Variants in LRRN4CL observed in about 807,000 individuals in gnomAD.
LRRN4CL encodes the protein LRRN4 C-terminal like, also known as LRRN4 C-terminal-like protein.
For synonymous variants in LRRN4CL, 156 were observed against 154.1 expected (o/e 1.01, Z -0.09); for missense variants, 348 against 336.4 (o/e 1.03, Z -0.27).
chr11:62,687,846 G>A lies in LRRN4CL; in HGVS notation c.663C>T (p.Arg221=). ...CAALVWHFCL[R]DRWGCPRRAA... ...CTCGGCGCGGGCAGCCCCAGCGATC[G>A]CGCAGGCAGAAGTGCCACACCAGGG... The change falls in exon 2 of 2, where the codon CGC becomes CGT. Residue 221 remains arginine, a synonymous_variant. Coordinates refer to ENST00000317449, the MANE Select transcript of LRRN4CL (RefSeq NM_203422.4). 7.1e-7 allele frequency: 1 copy of A among 1,408,498 alleles called. No homozygotes were observed. Among genetic ancestry groups the A allele is most frequent in the Non-Finnish European group, 9.2e-7 (1 of 1,091,202 alleles). 87.3% of individuals were successfully genotyped at this position (1,408,498 alleles called of 1,614,324 possible). A position where few individuals can be genotyped will look rare whatever the true frequency, so the allele number is the denominator to read the frequency against.
In LRRN4CL at chr11:62,688,133, G is replaced by T. The variant is rs1355879770; in HGVS notation, c.376C>A (p.Gln126Lys). The change falls in exon 2 of 2, where the codon CAG (glutamine) becomes AAG (lysine). Residue 126 changes from glutamine (Q) to lysine (K), a missense_variant. Coordinates refer to ENST00000317449, the MANE Select transcript of LRRN4CL (RefSeq NM_203422.4). ...LLLWDGSEAA[Q>K]KGPPLNATVR... Reference sequence around the variant, plus strand: ...GTAGCGTTCAGCGGGGGCCCCTTCTGCGCAGCCTCGCTGCCGTCCCAAAGC... The same window carrying T: ...GTAGCGTTCAGCGGGGGCCCCTTCTTCGCAGCCTCGCTGCCGTCCCAAAGC... The T allele has an allele frequency of 2.5e-6, 4 of 1,612,376 alleles. No homozygotes were observed. Among genetic ancestry groups the T allele is most frequent in the Non-Finnish European group, 3.4e-6 (4 of 1,179,780 alleles).
rs773185299 is a variant in LRRN4CL at position 62,688,082 on chromosome 11, G to GC, written c.426dup (p.Leu143AlafsTer15). ...ACGACATAAATGCCCCCTGGCTTCA[G>GC]CCCCTTCAGTTCGGCTCTGCGGACC... On this transcript the variant is annotated frameshift_variant, in exon 2 of 2. Coordinates refer to ENST00000317449, the MANE Select transcript of LRRN4CL (RefSeq NM_203422.4). LOFTEE classifies it low-confidence loss of function (END_TRUNC). 6 of 1,612,608 alleles carry GC rather than the reference G, an allele frequency of 3.7e-6. No individual in the cohort carries two copies. The African/African-American group carries it at 6.7e-5, about 18-fold the overall frequency.
In LRRN4CL at chr11:62,687,655, G is replaced by A. The variant is rs886130757; in HGVS notation, c.*137C>T. ...CAGTCCTGAGAACCATGACTCCGCCGTGGCCCTGGAGCCTGGGGCTGGCTC... is the reference window on the plus strand; with the variant it reads ...CAGTCCTGAGAACCATGACTCCGCCATGGCCCTGGAGCCTGGGGCTGGCTC... On this transcript the variant is annotated 3_prime_UTR_variant, in exon 2 of 2. Transcript: ENST00000317449. The A allele has an allele frequency of 7.1e-5, 46 of 651,336 alleles. No individual in the cohort carries two copies. The highest frequency in any genetic ancestry group is 9.7e-5 in the Non-Finnish European group (42 of 432,888). The allele number at this position is 651,336 out of a possible 1,614,324, so 40.3% of individuals were successfully genotyped here.
chr11:62,688,916 C>G (rs1475733364), intron 1 of LRRN4CL, among the ~76,000 whole-genome samples: 1 of 152,144 alleles, frequency 6.6e-6, no homozygotes, highest in Non-Finnish European at 1.5e-5. Flanking sequence ...AGGCTGATGC[C>G]TATAATCCCA....
In LRRN4CL at chr11:62,688,373, C is replaced by T; in HGVS notation, c.136G>A (p.Val46Ile). The T allele has an allele frequency of 6.2e-7, 1 of 1,606,754 alleles. No individual in the cohort carries two copies. Among genetic ancestry groups the T allele is most frequent in the Non-Finnish European group, 8.5e-7 (1 of 1,179,992 alleles). The change falls in exon 2 of 2, where the codon GTC (valine) becomes ATC (isoleucine). Residue 46 changes from valine to isoleucine, a missense_variant. Physicochemically the swap from Val to Ile is conservative, Grantham distance 29. Coordinates refer to ENST00000317449, the MANE Select transcript of LRRN4CL (RefSeq NM_203422.4). ...CGGCAGTGGTCGTAGTCGCAGGGGA[C>T]AGCCGGCAAAGGCGGCCACGCCGTC... is the stretch of plus-strand genomic sequence containing the variant. The part of the protein sequence containing the change: ...TETAWPPLPA[V>I]PCDYDHCRHL...
Position 62,687,372 on chromosome 11 carries a change from G to T in LRRN4CL, c.*420C>A, listed in dbSNP as rs1200652058. Reference sequence around the variant, plus strand: ...TGGACTCCAACTCCTGGGCTCAAGAGATCCTCCCATTTCAGCCTCTGGAGT... The same window carrying T: ...TGGACTCCAACTCCTGGGCTCAAGATATCCTCCCATTTCAGCCTCTGGAGT... On this transcript the variant is annotated 3_prime_UTR_variant, in exon 2 of 2. Transcript: ENST00000317449. 1.2e-5 allele frequency: 2 copies of T among 170,158 alleles called. No homozygotes were observed. Among genetic ancestry groups the T allele is most frequent in the Admixed American group, 6.4e-5 (1 of 15,676 alleles). 10.5% of individuals were successfully genotyped at this position (170,158 alleles called of 1,614,324 possible).
chr11:62,688,654 C>G, intron 1 of LRRN4CL, 141 bp from the exon 2 acceptor site: 1 of 672,528 alleles, frequency 1.5e-6, no homozygotes. Context: ...CAGACACACT[C>G]ATTTGTCAAC....
Position 62,687,824 on chromosome 11 carries a change from G to C in LRRN4CL, c.685C>G (p.Arg229Gly). Residue 229 changes from arginine (R) to glycine (G), a missense_variant, in exon 2 of 2, where the codon CGA becomes GGA. By Grantham distance (125) the Arg-to-Gly change is moderately radical. Coordinates refer to ENST00000317449, the MANE Select transcript of LRRN4CL (RefSeq NM_203422.4). Reference protein sequence around the residue: ...CLRDRWGCPRRAAARAAGAL With the variant: ...CLRDRWGCPRGAAARAAGAL ...GCCCCTGCGGCTCGGGCGGCGGCTC[G>C]GCGCGGGCAGCCCCAGCGATCGCGC... 1 of 1,396,676 alleles carries C rather than the reference G, an allele frequency of 7.2e-7. No individual in the cohort carries two copies. The highest frequency in any genetic ancestry group is 9.2e-7 in the Non-Finnish European group (1 of 1,086,140). The allele number at this position is 1,396,676 out of a possible 1,614,324, so 86.5% of individuals were successfully genotyped here.
At position 62,687,779 on chromosome 11, in the gene LRRN4CL, C is replaced by T; in HGVS notation, c.*13G>A. ...GTGGGGCTGTCTGTGCCCGAGATGC[C>T]CCCAGGCCCCTTTCAGAGCGCCCCT... is the stretch of plus-strand genomic sequence containing the variant. On this transcript the variant is annotated 3_prime_UTR_variant, in exon 2 of 2. Transcript: ENST00000317449. 1 of 1,388,158 alleles carries T rather than the reference C, an allele frequency of 7.2e-7. No homozygotes were observed. Among genetic ancestry groups the T allele is most frequent in the South Asian group, 1.7e-5 (1 of 60,174 alleles). The allele number at this position is 1,388,158 out of a possible 1,614,324, so 86.0% of individuals were successfully genotyped here. A position where few individuals can be genotyped will look rare whatever the true frequency, so the allele number is the denominator to read the frequency against.
At position 62,687,110 on chromosome 11, in the gene LRRN4CL, C is replaced by G. The variant is rs1168924149; in HGVS notation, c.*682G>C. 1 of 151,984 alleles carries G rather than the reference C, an allele frequency of 6.6e-6. No homozygotes were observed. The highest frequency in any genetic ancestry group is 1.5e-5 in the Non-Finnish European group (1 of 67,978). The allele number at this position is 151,984 out of a possible 1,614,324, so 9.4% of individuals were successfully genotyped here. A position where few individuals can be genotyped will look rare whatever the true frequency, so the allele number is the denominator to read the frequency against. On this transcript the variant is annotated 3_prime_UTR_variant, in exon 2 of 2. Coordinates refer to ENST00000317449, the MANE Select transcript of LRRN4CL (RefSeq NM_203422.4). ...GCCTGACAACATGGTGAAACCCCGTCTCTACTAAAAAAACACAAAAATTAG... is the reference window on the plus strand; with the variant it reads ...GCCTGACAACATGGTGAAACCCCGTGTCTACTAAAAAAACACAAAAATTAG...
chr11:62,687,992 C>T lies in LRRN4CL; in HGVS notation c.517G>A (p.Glu173Lys), dbSNP rs151072274. 1.2e-6 allele frequency: 2 copies of T among 1,609,910 alleles called. No individual in the cohort carries two copies. Among genetic ancestry groups the T allele is most frequent in the South Asian group, 1.1e-5 (1 of 90,830 alleles). Residue 173 changes from glutamate to lysine, a missense_variant, in exon 2 of 2, where the codon GAG (glutamate) becomes AAG (lysine). Coordinates refer to ENST00000317449, the MANE Select transcript of LRRN4CL (RefSeq NM_203422.4). The part of the protein sequence containing the change: ...RVPQAGGEGL[E>K]GADIPAFGPC... ...CCGAAGGCAGGGATGTCGGCCCCCT[C>T]GAGGCCCTCTCCTCCAGCCTGGGGC...
chr11:62,688,510 G>C lies in LRRN4CL; in HGVS notation c.-2C>G, dbSNP rs1945230575. ...CAGAAGGCAGGGAGAGCCCAGCATG[G>C]AGACTGGAAGGGAAGGGGTGGATAG... On this transcript the variant is annotated 5_prime_UTR_variant, in exon 2 of 2. Coordinates refer to ENST00000317449, the MANE Select transcript of LRRN4CL (RefSeq NM_203422.4). 6.3e-7 allele frequency: 1 copy of C among 1,591,944 alleles called. No homozygotes were observed. The highest frequency in any genetic ancestry group is 8.5e-7 in the Non-Finnish European group (1 of 1,176,386).
At chr11:62,688,993 CAG>C (rs1005960254) in intron 1 of LRRN4CL, among the ~76,000 whole-genome samples, 12 of 152,244 alleles carry the variant, frequency 7.9e-5, no homozygotes, top group South Asian at 6.2e-4. Context: ...TGGGGCAACA[CAG>C]AGAGACCCCA....
chr11:62,688,072 C>T lies in LRRN4CL; in HGVS notation c.437G>A (p.Gly146Glu), dbSNP rs1411682361. 5.0e-6 allele frequency: 8 copies of T among 1,612,708 alleles called. No individual in the cohort carries two copies. Among genetic ancestry groups the T allele is most frequent in the Non-Finnish European group, 4.2e-6 (5 of 1,179,892 alleles). ...RRAELKGLKP[G>E]GIYVVCVVAA... ...CACTACGCAAACGACATAAATGCCC[C>T]CTGGCTTCAGCCCCTTCAGTTCGGC... The change falls in exon 2 of 2, where the codon GGG becomes GAG. Residue 146 changes from glycine to glutamate, a missense_variant. Transcript: ENST00000317449.
Position 62,688,393 on chromosome 11 carries a change from G to A in LRRN4CL, c.116C>T (p.Ala39Val). 2.5e-6 allele frequency: 4 copies of A among 1,604,118 alleles called. No homozygotes were observed. Among genetic ancestry groups the A allele is most frequent in the South Asian group, 1.1e-5 (1 of 91,090 alleles). Residue 39 changes from alanine (A) to valine (V), a missense_variant, in exon 2 of 2, where the codon GCG becomes GTG. Ala to Val is a moderately conservative substitution (Grantham distance 64, BLOSUM62 0). Coordinates refer to ENST00000317449, the MANE Select transcript of LRRN4CL (RefSeq NM_203422.4). The part of the protein sequence containing the change: ...EEEEADETET[A>V]WPPLPAVPCD... The stretch of plus-strand genomic sequence containing the variant: ...GGGGACAGCCGGCAAAGGCGGCCAC[G>A]CCGTCTCAGTCTCATCTGCCTCCTC...
In LRRN4CL at chr11:62,688,051, A is replaced by G. The variant is rs747554360; in HGVS notation, c.458T>C (p.Val153Ala). The change falls in exon 2 of 2, where the codon GTA becomes GCA. Residue 153 changes from valine to alanine, a missense_variant. Transcript: ENST00000317449. ...LKPGGIYVVC[V>A]VAANEAGASR... Reference sequence around the variant, plus strand: ...TGCCCCGGCCTCGTTAGCGGCCACTACGCAAACGACATAAATGCCCCCTGG... The same window carrying G: ...TGCCCCGGCCTCGTTAGCGGCCACTGCGCAAACGACATAAATGCCCCCTGG... 6.2e-7 allele frequency: 1 copy of G among 1,612,594 alleles called. No homozygotes were observed. The highest frequency in any genetic ancestry group is 8.5e-7 in the Non-Finnish European group (1 of 1,179,874).
rs775649971 is a variant in LRRN4CL, at chr11:62,688,209, T to C, written c.300A>G (p.Ala100=). Reference sequence around the variant, plus strand: ...AGAAGGGGGCACACCAGTGGACCACTGCGCGGCCCTCTTCGGCCGCAATGC... The same window carrying C: ...AGAAGGGGGCACACCAGTGGACCACCGCGCGGCCCTCTTCGGCCGCAATGC... The part of the protein sequence containing the change: ...EVRIAAEEGR[A]VVHWCAPFSP... Residue 100 remains alanine (A), a synonymous_variant, in exon 2 of 2, where the codon GCA becomes GCG. Coordinates refer to ENST00000317449, the MANE Select transcript of LRRN4CL (RefSeq NM_203422.4). The C allele has an allele frequency of 6.2e-7, 1 of 1,612,134 alleles. No individual in the cohort carries two copies. Among genetic ancestry groups the C allele is most frequent in the Admixed American group, 1.7e-5 (1 of 59,932 alleles).
At chr11:62,689,111 G>A (rs1445509488) in intron 1 of LRRN4CL, among the ~76,000 whole-genome samples, 1 of 152,150 alleles carries the variant, frequency 6.6e-6, no homozygotes, top group Non-Finnish European at 1.5e-5. Flanking sequence ...GATCACTTGA[G>A]CCCAGGAGTT....
Position 62,688,091 on chromosome 11 carries a change from G to T in LRRN4CL, c.418C>A (p.Leu140Met), listed in dbSNP as rs1446824080. 1 of 1,612,696 alleles carries T rather than the reference G, an allele frequency of 6.2e-7. No individual in the cohort carries two copies. ...ATGCCCCCTGGCTTCAGCCCCTTCAGTTCGGCTCTGCGGACCGTAGCGTTC... is the reference window on the plus strand; with the variant it reads ...ATGCCCCCTGGCTTCAGCCCCTTCATTTCGGCTCTGCGGACCGTAGCGTTC... Reference protein sequence around the residue: ...PLNATVRRAELKGLKPGGIYV... With the variant: ...PLNATVRRAEMKGLKPGGIYV... Residue 140 changes from leucine to methionine, a missense_variant, in exon 2 of 2, where the codon CTG becomes ATG. Leu to Met is a conservative substitution (Grantham distance 15). Coordinates refer to ENST00000317449, the MANE Select transcript of LRRN4CL (RefSeq NM_203422.4).
Sources: gnomAD v4.1 joint callset for allele counts (sites outside exome capture counted in the v4.1 genomes callset) on GRCh38, gnomAD v4.1.1 for gene constraint, MANE v1.5 for transcripts, NCBI Gene and HGNC (gene_info 2026-07-23, HGNC 2026-07-21) for gene names.